FOCAD: variants seen among roughly 807,000 people sequenced by gnomAD.
FOCAD encodes focadhesin, also known as KIAA1797.
A neutral mutation model predicts 225.6 loss-of-function variants in FOCAD; 198 were observed. The observed-to-expected ratio is 0.88, with a 90% CI of 0.78 to 0.99. FOCAD has a LOEUF of 0.99. FOCAD is among the 50% of genes least tolerant of loss of function. FOCAD has a pLI of 0.00. For synonymous variants in FOCAD, 897 were observed against 755.0 expected, an observed-to-expected ratio of 1.19 and a Z score of -3.08; for missense variants, 2,713 against 2,123.6, an observed-to-expected ratio of 1.28 and a Z score of -5.46.
At chr9:20,885,908 C>G (rs1166306321) in intron 21 of FOCAD, among the ~76,000 whole-genome samples, 4 of 152,154 alleles carry the variant, frequency 2.6e-5, no homozygotes, top group Admixed American at 6.5e-5. Context: ...TTATATAGTT[C>G]AGACATAGTA....
At chr9:20,803,814 G>C (rs1466422264) in intron 11 of FOCAD, among the ~76,000 whole-genome samples, 1 of 152,144 alleles carries the variant, frequency 6.6e-6, no homozygotes, top group Non-Finnish European at 1.5e-5. Context: ...AAGGAGTGCT[G>C]ACATTGCTCC....
chr9:20,655,962 T>G (rs1268583016), upstream of FOCAD, among the ~76,000 whole-genome samples: 3 of 152,136 alleles, frequency 2.0e-5, no homozygotes, highest in African/African-American at 4.8e-5. Context: ...GTCCCAGAGA[T>G]TCTGGTATGT....
chr9:20,812,285 A>G (rs1220989979), intron 11 of FOCAD, among the ~76,000 whole-genome samples: 3 of 152,208 alleles, frequency 2.0e-5, no homozygotes, highest in African/African-American at 7.2e-5. Flanking sequence ...TATCTCATAT[A>G]GTAATAAAGT....
intron 42 of FOCAD, among the ~76,000 whole-genome samples, chr9:20,991,812 CAA>C (rs58403366): frequency 1.3e-3 from 142 of 105,932 alleles, no homozygotes; most frequent in African/African-American, 2.2e-3. Flanking sequence ...GACTCTGTCT[CAA>C]AAAAAAAAAA....
At chr9:20,792,496 A>G (rs1820636836) in intron 11 of FOCAD, among the ~76,000 whole-genome samples, 1 of 152,204 alleles carries the variant, frequency 6.6e-6, no homozygotes, top group Non-Finnish European at 1.5e-5. Flanking sequence ...TGACAAATTG[A>G]GTTTTGCAAA....
intron 21 of FOCAD, among the ~76,000 whole-genome samples, chr9:20,904,528 A>G (rs1378838339): frequency 1.3e-5 from 2 of 151,898 alleles, no homozygotes; most frequent in South Asian, 2.1e-4. Context: ...TCCCATGTAT[A>G]TACTCCTATT....
chr9:20,678,529 C>A (rs1822302990), intron 2 of FOCAD, among the ~76,000 whole-genome samples: 3 of 152,202 alleles, frequency 2.0e-5, no homozygotes, highest in African/African-American at 7.2e-5. Context: ...ACACAGCAAT[C>A]TCTATTATAG....
At chr9:20,866,495 C>T (rs1055308251) in intron 17 of FOCAD, among the ~76,000 whole-genome samples, 1 of 152,000 alleles carries the variant, frequency 6.6e-6, no homozygotes, top group African/African-American at 2.4e-5. Flanking sequence ...TCTCCTTCTG[C>T]TAAATCATAC....
At chr9:20,760,468 G>C (rs936478902) in intron 6 of FOCAD, among the ~76,000 whole-genome samples, 3 of 152,192 alleles carry the variant, frequency 2.0e-5, no homozygotes, top group Non-Finnish European at 4.4e-5. Flanking sequence ...TTATGCTTTA[G>C]CAGTACAATG....
At chr9:20,939,111 C>G (rs1013102969) in intron 28 of FOCAD, among the ~76,000 whole-genome samples, 5 of 133,204 alleles carry the variant, frequency 3.8e-5, no homozygotes, top group African/African-American at 1.4e-4. Context: ...GATCGTGCCA[C>G]TGCACTCCAG....
intron 35 of FOCAD, among the ~76,000 whole-genome samples, chr9:20,964,609 C>T (rs1047302278): frequency 1.4e-4 from 22 of 151,824 alleles, no homozygotes; most frequent in African/African-American, 4.4e-4. Flanking sequence ...GATCTTGGCT[C>T]ACTGCAACCT....
At chr9:20,823,580 G>T (rs1247035751) in intron 15 of FOCAD, among the ~76,000 whole-genome samples, 3 of 152,178 alleles carry the variant, frequency 2.0e-5, no homozygotes, top group Non-Finnish European at 2.9e-5. Context: ...AACTAAACTT[G>T]TAAATCATTT....
chr9:20,850,827 A>T (rs1291410956), intron 15 of FOCAD, among the ~76,000 whole-genome samples: 1 of 149,020 alleles, frequency 6.7e-6, no homozygotes, highest in Non-Finnish European at 1.5e-5. Flanking sequence ...TTAACCAGGT[A>T]ATTTCCCCCT....
intron 2 of FOCAD, among the ~76,000 whole-genome samples, chr9:20,674,804 T>C (rs1303669052): frequency 6.6e-6 from 1 of 152,248 alleles, no homozygotes; most frequent in Non-Finnish European, 1.5e-5. Context: ...AAATGATAGC[T>C]GTGCTTTTCT....
chr9:20,833,129 G>A (rs1825676099), intron 15 of FOCAD, among the ~76,000 whole-genome samples: 1 of 151,986 alleles, frequency 6.6e-6, no homozygotes, highest in South Asian at 2.1e-4. Context: ...CACCAATAGT[G>A]TAATAGGGTT....
Position 20,832,135 on chromosome 9 carries a change from T to C in FOCAD, c.1920+9020T>C, listed in dbSNP as rs181756824. Among the ~76,000 whole-genome samples the C allele has an allele frequency of 5.2e-4, 79 of 152,238 alleles. 1 individual carries two copies. Among genetic ancestry groups the C allele is most frequent in the Admixed American group, 5.2e-3 (79 of 15,268 alleles). The stretch of plus-strand genomic sequence containing the variant: ...TTTTGGCTATAATGAATAATGGTGC[T>C]ATGAGCCTTCATGTACAAGCTTTCA... On this transcript the variant is annotated intron_variant, in intron 15 of 43. Coordinates refer to ENST00000338382, the MANE Select transcript of FOCAD (RefSeq NM_001375567.1).
intron 18 of FOCAD, among the ~76,000 whole-genome samples, chr9:20,871,456 A>G (rs562856036): frequency 1.3e-5 from 2 of 152,078 alleles, no homozygotes; most frequent in South Asian, 2.1e-4. Flanking sequence ...AATTCTTTCA[A>G]CTGAGTTCTC....
At chr9:20,939,150 C>CAAAAAAAAAAAAAAAAA (rs565280892) in intron 28 of FOCAD, among the ~76,000 whole-genome samples, 1,001 of 72,294 alleles carry the variant, frequency 0.014, 148 homozygotes, top group Non-Finnish European at 0.019. Context: ...ACTCTCTTCT[C>CAAAAAAAAAAAAAAAAA]AAAAAAAAAA....
At chr9:20,737,492 T>A (rs902479258) in intron 4 of FOCAD, among the ~76,000 whole-genome samples, 1 of 152,236 alleles carries the variant, frequency 6.6e-6, no homozygotes, top group Non-Finnish European at 1.5e-5. Context: ...GAGTGCAGTC[T>A]TACGAGGTTA....
Sources: allele counts gnomAD v4.1 joint callset (sites outside exome capture counted in the v4.1 genomes callset), GRCh38; gene constraint gnomAD v4.1.1; transcripts MANE v1.5; gene names NCBI Gene and HGNC (gene_info 2026-07-23, HGNC 2026-07-21).